The following STYX variants were observed in gnomAD, a reference collection of about 807,000 sequenced individuals.
STYX encodes serine/threonine/tyrosine-interacting protein.
A neutral mutation model predicts 42.7 loss-of-function variants in STYX; 20 were observed. The observed-to-expected ratio is 0.47, with a 90% CI of 0.33 to 0.68. STYX has a LOEUF of 0.68. STYX is among the 30% of genes least tolerant of loss of function. STYX has a pLI of 0.02. For missense variants in STYX, 226 were observed against 268.5 expected (o/e 0.84, Z 1.11); for synonymous variants, 78 against 81.9 (o/e 0.95, Z 0.26).
At position 52,731,113 on chromosome 14, in the gene STYX, A is replaced by T. The variant is rs578019932; in HGVS notation, c.57+582A>T. On this transcript the variant is annotated intron_variant, in intron 1 of 10. Coordinates refer to ENST00000354586, the MANE Select transcript of STYX (RefSeq NM_145251.4). ...TAATATTGAAAGTAAAATACTATAT[A>T]CCTTTTCTCCTGGTTTCTAATTTGT... Among the ~76,000 whole-genome samples, 12 of 152,198 alleles carry T rather than the reference A, an allele frequency of 7.9e-5. No homozygotes were observed. In the South Asian group the frequency reaches 1.9e-3, roughly 24 times the overall value.
chr14:52,746,499 C>G lies in STYX; in HGVS notation c.144+20C>G. On this transcript the variant is annotated intron_variant, in intron 3 of 10. Coordinates refer to ENST00000354586, the MANE Select transcript of STYX (RefSeq NM_145251.4). ...AGCAAGGTATGAACTTTGTTAGATT[C>G]ATCAAGAGAGACTTTTATTAACCAA... 6.5e-7 allele frequency: 1 copy of G among 1,546,676 alleles called. No homozygotes were observed. Among genetic ancestry groups the G allele is most frequent in the Non-Finnish European group, 8.6e-7 (1 of 1,157,248 alleles).
chr14:52,768,288 G>A (rs1268112461), intron 9 of STYX, among the ~76,000 whole-genome samples: 1 of 152,076 alleles, frequency 6.6e-6, no homozygotes, highest in Non-Finnish European at 1.5e-5. Flanking sequence ...TGTTTACCAG[G>A]ACACCAAAAG....
At chr14:52,749,908 C>A (rs1279977500) in intron 3 of STYX, among the ~76,000 whole-genome samples, 1 of 152,058 alleles carries the variant, frequency 6.6e-6, no homozygotes, top group African/African-American at 2.4e-5. Context: ...TTTCATGCAC[C>A]AAATGACTGT....
At chr14:52,731,915 C>G (rs1880720541) in intron 1 of STYX, among the ~76,000 whole-genome samples, 1 of 150,138 alleles carries the variant, frequency 6.7e-6, no homozygotes, top group Non-Finnish European at 1.5e-5. Flanking sequence ...ACCTCAGCCT[C>G]TGGAGTAGCT....
At chr14:52,733,929 TC>T (rs1880836658) in intron 1 of STYX, among the ~76,000 whole-genome samples, 1 of 152,160 alleles carries the variant, frequency 6.6e-6, no homozygotes, top group Non-Finnish European at 1.5e-5. Flanking sequence ...CTTTACCGAA[TC>T]TTCTTGGGTC....
intron 5 of STYX, 64 bp downstream of exon 5, chr14:52,756,675 CTTTTTTTTTTTTTTTT>C (rs748826005): frequency 4.4e-5 from 3 of 67,880 alleles, no homozygotes; most frequent in South Asian, 5.2e-4. Context: ...CTTAGTTGTG[CTTTTTTTTTTTTTTTT>C]TTTTTTTTTT....
intron 4 of STYX, among the ~76,000 whole-genome samples, chr14:52,755,853 T>TTAGA (rs1881844063): frequency 6.6e-6 from 1 of 152,078 alleles, no homozygotes; most frequent in African/African-American, 2.4e-5. Context: ...ACAGGACCAC[T>TTAGA]TAGAGAACAA....
At chr14:52,761,264 G>T (rs894413541) in intron 9 of STYX, among the ~76,000 whole-genome samples, 2 of 150,108 alleles carry the variant, frequency 1.3e-5, no homozygotes, top group African/African-American at 2.5e-5. Flanking sequence ...GGAGGCGGAG[G>T]TTGTGGTGAG....
At chr14:52,753,892 ATTTTTTTT>A (rs56734068) in intron 4 of STYX, among the ~76,000 whole-genome samples, 26 of 77,238 alleles carry the variant, frequency 3.4e-4, no homozygotes, top group South Asian at 9.7e-4. Flanking sequence ...CAAAACACTG[ATTTTTTTT>A]TTTTTTTTTT....
intron 1 of STYX, among the ~76,000 whole-genome samples, chr14:52,741,230 A>ATATATATATATATATATTT (rs570503762): frequency 3.6e-5 from 5 of 140,316 alleles, no homozygotes; most frequent in Non-Finnish European, 6.1e-5. Context: ...ATATATATAT[A>ATATATATATATATATATTT]TTTTTTTTTT....
chr14:52,755,178 A>G (rs1048411662), intron 4 of STYX, among the ~76,000 whole-genome samples: 1 of 148,226 alleles, frequency 6.7e-6, no homozygotes, highest in African/African-American at 2.5e-5. Flanking sequence ...GCTGGAGTGC[A>G]GTGGCACAAT....
chr14:52,746,151 A>G (rs889454881), intron 2 of STYX, among the ~76,000 whole-genome samples: 2 of 152,168 alleles, frequency 1.3e-5, no homozygotes, highest in Non-Finnish European at 2.9e-5. Context: ...GTTTTAGGTC[A>G]GGCACAGGAG....
At chr14:52,760,829 T>G (rs369379828) in intron 9 of STYX, among the ~76,000 whole-genome samples, 2 of 152,154 alleles carry the variant, frequency 1.3e-5, no homozygotes, top group East Asian at 1.9e-4. Flanking sequence ...TTTCTTTTTT[T>G]TGTGGATACA....
intron 1 of STYX, among the ~76,000 whole-genome samples, chr14:52,742,962 A>G (rs1328109362): frequency 1.3e-5 from 2 of 151,290 alleles, no homozygotes; most frequent in Admixed American, 6.6e-5. Flanking sequence ...TGCCTGGCTA[A>G]TTTTTGTATT....
chr14:52,752,122 T>C (rs1026841865), intron 4 of STYX, among the ~76,000 whole-genome samples: 4 of 151,412 alleles, frequency 2.6e-5, no homozygotes, highest in Admixed American at 2.0e-4. Flanking sequence ...ATCACACCAC[T>C]GCACTCCAGC....
intron 9 of STYX, 89 bp from the exon 10 acceptor site, chr14:52,768,751 G>T: frequency 1.2e-6 from 1 of 830,480 alleles, no homozygotes; most frequent in East Asian, 3.1e-5. Flanking sequence ...TACAGATGAA[G>T]AATACCAACA....
At chr14:52,731,092 A>G (rs1880680190) in intron 1 of STYX, among the ~76,000 whole-genome samples, 1 of 152,232 alleles carries the variant, frequency 6.6e-6, no homozygotes, top group Admixed American at 6.5e-5. Flanking sequence ...GAAAATTAAT[A>G]TTGAAAGTAA....
chr14:52,738,857 T>G (rs1594864817), intron 1 of STYX, among the ~76,000 whole-genome samples: 1 of 152,056 alleles, frequency 6.6e-6, no homozygotes, highest in Admixed American at 6.5e-5. Context: ...TGACACAAAG[T>G]ATCATCTATT....
At chr14:52,750,846 G>A in intron 4 of STYX, 66 bp downstream of exon 4, 5 of 1,103,798 alleles carry the variant, frequency 4.5e-6, no homozygotes, top group Non-Finnish European at 6.6e-6. Context: ...TGTACCATCA[G>A]TTGTTTCTGT....
Sources: gnomAD v4.1 joint callset for allele counts (sites outside exome capture counted in the v4.1 genomes callset) on GRCh38, gnomAD v4.1.1 for gene constraint, MANE v1.5 for transcripts, NCBI Gene and HGNC (gene_info 2026-07-23, HGNC 2026-07-21) for gene names.